The following CD300LF variants were observed in gnomAD, a reference collection of about 807,000 sequenced individuals.
CD300LF encodes CD300 molecule like family member f, also known as CMRF35-like molecule 1.
In CD300LF, 27 loss-of-function variants were observed where a neutral mutation model predicts 32.2. That is an observed-to-expected ratio of 0.84 (90% CI 0.62 to 1.15). The LOEUF (loss-of-function observed/expected upper bound fraction) is 1.15, where lower values mean the gene tolerates loss of function less well. CD300LF is among the 50% of genes most tolerant of loss of function. The pLI, the probability that CD300LF is intolerant of heterozygous loss-of-function variation, is 0.00. For synonymous variants in CD300LF, 139 were observed against 143.2 expected (o/e 0.97, Z 0.21); for missense variants, 348 against 356.8 (o/e 0.98, Z 0.20).
intron 1 of CD300LF, among the ~76,000 whole-genome samples, chr17:74,710,392 T>A (rs192773169): frequency 6.6e-6 from 1 of 152,358 alleles, no homozygotes; most frequent in Non-Finnish European, 1.5e-5. Context: ...TAATTCATAA[T>A]TGAATTTAAT....
chr17:74,697,995 A>T (rs571328656), intron 4 of CD300LF, among the ~76,000 whole-genome samples: 1 of 152,228 alleles, frequency 6.6e-6, no homozygotes, highest in East Asian at 1.9e-4. Context: ...ATGTCAGCTC[A>T]GTACCTCCTT....
At position 74,704,883 on chromosome 17, in the gene CD300LF, G is replaced by A. The variant is rs2033385507; in HGVS notation, c.44-67C>T. On this transcript the variant is annotated intron_variant, in intron 1 of 6. Coordinates refer to ENST00000326165, the MANE Select transcript of CD300LF (RefSeq NM_139018.5). ...GGGCAGGGCCACAGCTTTCTGTTTA[G>A]GGAATAGCTCCCAAATCCAAGTTTC... 30 of 1,261,658 alleles carry A rather than the reference G, an allele frequency of 2.4e-5. No homozygotes were observed. In the South Asian group the frequency reaches 3.9e-4, roughly 16 times the overall value. 78.2% of individuals were successfully genotyped at this position (1,261,658 alleles called of 1,614,324 possible). A position where few individuals can be genotyped will look rare whatever the true frequency, so the allele number is the denominator to read the frequency against.
At chr17:74,698,521 C>A (rs1228685891) in intron 3 of CD300LF, 40 bp from the exon 4 acceptor site, 5 of 1,576,998 alleles carry the variant, frequency 3.2e-6, no homozygotes. Flanking sequence ...CCCAGGCTCA[C>A]CACCTGCCTC....
At position 74,695,720 on chromosome 17, in the gene CD300LF, C is replaced by A. The variant is rs747675801; in HGVS notation, c.717+5G>T. On this transcript the variant is annotated splice_donor_5th_base_variant and intron_variant, in intron 6 of 6. Coordinates refer to ENST00000326165, the MANE Select transcript of CD300LF (RefSeq NM_139018.5). ...GCCTCACAGCAGCCCCCATGGAGGA[C>A]GCACCATGGTGACATATTCCACTTC... 1 of 1,614,076 alleles carries A rather than the reference C, an allele frequency of 6.2e-7. No homozygotes were observed. Among genetic ancestry groups the A allele is most frequent in the South Asian group, 1.1e-5 (1 of 91,084 alleles).
chr17:74,709,755 G>T (rs76259162), intron 1 of CD300LF, among the ~76,000 whole-genome samples: 1 of 150,998 alleles, frequency 6.6e-6, no homozygotes, highest in Non-Finnish European at 1.5e-5. Context: ...TTTTTTTTTG[G>T]AGAGACAAGG....
At chr17:74,703,173 A>G in intron 2 of CD300LF, 75 bp from the exon 3 acceptor site, 1 of 1,583,924 alleles carries the variant, frequency 6.3e-7, no homozygotes, top group Non-Finnish European at 8.7e-7. Flanking sequence ...TATAAACCAG[A>G]TCACAGATGC....
intron 1 of CD300LF, among the ~76,000 whole-genome samples, chr17:74,710,331 A>G (rs949300486): frequency 2.0e-5 from 3 of 152,104 alleles, no homozygotes; most frequent in South Asian, 4.1e-4. Context: ...ATAATTATCA[A>G]AAGGGAAAAA....
chr17:74,695,712 A>G lies in CD300LF; in HGVS notation c.717+13T>C, dbSNP rs2066447936. 1.9e-6 allele frequency: 3 copies of G among 1,613,928 alleles called. No individual in the cohort carries two copies. Among genetic ancestry groups the G allele is most frequent in the South Asian group, 1.1e-5 (1 of 91,082 alleles). ...CTGCCCCAGCCTCACAGCAGCCCCCATGGAGGACGCACCATGGTGACATAT... is the reference window on the plus strand; with the variant it reads ...CTGCCCCAGCCTCACAGCAGCCCCCGTGGAGGACGCACCATGGTGACATAT... On this transcript the variant is annotated intron_variant, in intron 6 of 6. Transcript: ENST00000326165.
At chr17:74,705,197 G>T (rs1430281716) in intron 1 of CD300LF, 1 of 701,666 alleles carries the variant, frequency 1.4e-6, no homozygotes, top group East Asian at 2.7e-5. Flanking sequence ...TTTCCACAGG[G>T]TCTTACCTTG....
At chr17:74,701,655 G>A (rs2033056102) in intron 3 of CD300LF, among the ~76,000 whole-genome samples, 2 of 151,962 alleles carry the variant, frequency 1.3e-5, no homozygotes, top group Non-Finnish European at 2.9e-5. Context: ...GACAGGAGTT[G>A]GAGACCAGCT....
At position 74,694,726 on chromosome 17, in the gene CD300LF, C is replaced by G. The variant is rs748472492; in HGVS notation, c.*370G>C. ...TTAGGACACAGATATCTTTGGGGGCCATTATTCAGCCCATAACATGTGGTA... is the reference window on the plus strand; with the variant it reads ...TTAGGACACAGATATCTTTGGGGGCGATTATTCAGCCCATAACATGTGGTA... On this transcript the variant is annotated 3_prime_UTR_variant, in exon 7 of 7. Coordinates refer to ENST00000326165, the MANE Select transcript of CD300LF (RefSeq NM_139018.5). 2 of 168,354 alleles carry G rather than the reference C, an allele frequency of 1.2e-5. No individual in the cohort carries two copies. Among genetic ancestry groups the G allele is most frequent in the Non-Finnish European group, 2.5e-5 (2 of 78,852 alleles). 10.4% of individuals were successfully genotyped at this position (168,354 alleles called of 1,614,324 possible).
intron 1 of CD300LF, among the ~76,000 whole-genome samples, chr17:74,706,344 T>G (rs2033513199): frequency 7.5e-6 from 1 of 134,074 alleles, no homozygotes; most frequent in African/African-American, 2.6e-5. Flanking sequence ...GTGCCTGGCC[T>G]TTTTTTTTTT....
chr17:74,700,666 C>T (rs1158629298), intron 3 of CD300LF, among the ~76,000 whole-genome samples: 1 of 151,832 alleles, frequency 6.6e-6, no homozygotes, highest in Non-Finnish European at 1.5e-5. Flanking sequence ...GCAGGAGAAT[C>T]GCTTGAACCT....
intron 5 of CD300LF, among the ~76,000 whole-genome samples, 167 bp from the exon 6 acceptor site, chr17:74,696,026 C>T (rs1042970341): frequency 2.0e-5 from 3 of 152,194 alleles, no homozygotes; most frequent in Non-Finnish European, 4.4e-5. Flanking sequence ...AGCCCTTGTC[C>T]CCCTGGCTGT....
Position 74,704,700 on chromosome 17 carries a change from A to G in CD300LF, c.160T>C (p.Cys54Arg), listed in dbSNP as rs1459206191. The G allele has an allele frequency of 6.2e-7, 1 of 1,614,160 alleles. No homozygotes were observed. Among genetic ancestry groups the G allele is most frequent in the Admixed American group, 1.7e-5 (1 of 60,020 alleles). ...CAGTCACGCCAAATAGCTCCTCGAC[A>G]CCACCACTTCAAGTAGGTCTCCCAG... is the stretch of plus-strand genomic sequence containing the variant. Reference protein sequence around the residue: ...SGWETYLKWWCRGAIWRDCKI... With the variant: ...SGWETYLKWWRRGAIWRDCKI... The change falls in exon 2 of 7, where the codon TGT (cysteine) becomes CGT (arginine). Residue 54 changes from cysteine (C) to arginine (R), a missense_variant. Transcript: ENST00000326165.
At chr17:74,700,154 AATAAATAAAT>A (rs893244765) in intron 3 of CD300LF, among the ~76,000 whole-genome samples, 3 of 149,988 alleles carry the variant, frequency 2.0e-5, no homozygotes, top group African/African-American at 7.3e-5. Context: ...TAAATAAATA[AATAAATAAAT>A]AAATAAACAA....
chr17:74,711,751 G>T lies in CD300LF; in HGVS notation c.43+1073C>A, dbSNP rs77343537. The stretch of plus-strand genomic sequence containing the variant: ...GACAGGCATCTGGGACCCTCTTCAG[G>T]GGGGTTGTTTCAGCCCACCTGACTT... On this transcript the variant is annotated intron_variant, in intron 1 of 6. Coordinates refer to ENST00000326165, the MANE Select transcript of CD300LF (RefSeq NM_139018.5). 2.2e-4 allele frequency among the ~76,000 whole-genome samples: 33 copies of T among 152,164 alleles called. No individual in the cohort carries two copies. In the East Asian group the frequency reaches 5.4e-3, roughly 25 times the overall value.
At chr17:74,701,683 C>A (rs906943272) in intron 3 of CD300LF, among the ~76,000 whole-genome samples, 6 of 151,990 alleles carry the variant, frequency 3.9e-5, no homozygotes, top group Admixed American at 1.3e-4. Context: ...CATAACAAAA[C>A]CCCATCGCTA....
intron 2 of CD300LF, among the ~76,000 whole-genome samples, chr17:74,704,026 C>T (rs918596777): frequency 1.3e-5 from 2 of 152,166 alleles, no homozygotes; most frequent in African/African-American, 4.8e-5. Flanking sequence ...TGCTGAGCCT[C>T]TTTTTCCCCC....
Sources: gnomAD v4.1 joint callset for allele counts (sites outside exome capture counted in the v4.1 genomes callset) on GRCh38, gnomAD v4.1.1 for gene constraint, MANE v1.5 for transcripts, NCBI Gene and HGNC (gene_info 2026-07-23, HGNC 2026-07-21) for gene names.